NTRK3: variants seen among roughly 807,000 people sequenced by gnomAD.
NTRK3 encodes neurotrophic receptor tyrosine kinase 3, also known as NT-3 growth factor receptor.
In NTRK3, 24 loss-of-function variants were observed where a neutral mutation model predicts 91.7. That is an observed-to-expected ratio of 0.26 (90% CI 0.19 to 0.37). NTRK3 has a LOEUF of 0.37. Ranked by LOEUF, NTRK3 falls within the 10% of genes least tolerant of loss-of-function variation. The probability of loss-of-function intolerance (pLI) is 1.00; values close to 1 mark genes in which losing one functional copy is unlikely to be tolerated. For missense variants in NTRK3, 880 were observed against 1,068.9 expected, an observed-to-expected ratio of 0.82 and a Z score of 2.46; for synonymous variants, 483 against 404.0, an observed-to-expected ratio of 1.20 and a Z score of -2.34.
chr15:88,005,250 A>T (rs1040504069), intron 14 of NTRK3, among the ~76,000 whole-genome samples: 1 of 152,124 alleles, frequency 6.6e-6, no homozygotes, highest in African/African-American at 2.4e-5. Flanking sequence ...CCTGAGTAGG[A>T]GCCAGATGCT....
At chr15:87,923,154 G>A (rs2068013280) in intron 17 of NTRK3, among the ~76,000 whole-genome samples, 1 of 152,202 alleles carries the variant, frequency 6.6e-6, no homozygotes, top group Non-Finnish European at 1.5e-5. Flanking sequence ...GAAAAACAAT[G>A]TAGTTTTTCT....
chr15:87,875,281 G>A, exon 19 of NTRK3: 2 of 230,270 alleles, frequency 8.7e-6, no homozygotes, highest in Non-Finnish European at 1.7e-5. Context: ...CGTGGCCTGG[G>A]AGGAACACAT....
rs66499066 is a variant in NTRK3, at chr15:88,039,118, A to AACACAC, written c.1397-6079_1397-6074dup. ...AAGCTTTGATGTCTATTGAGCCCTC[A>AACACAC]ACACACACACACACACACACACACA... On this transcript the variant is annotated intron_variant, in intron 13 of 18. Coordinates refer to ENST00000394480, the Ensembl canonical transcript of NTRK3. Among the ~76,000 whole-genome samples the AACACAC allele has an allele frequency of 7.4e-3, 1,037 of 139,360 alleles. 15 individuals are homozygous for AACACAC. The highest frequency in any genetic ancestry group is 0.025 in the African/African-American group (915 of 37,160). The allele number at this position is 139,360 out of a possible 152,430, so 91.4% of individuals were successfully genotyped here. A position where few individuals can be genotyped will look rare whatever the true frequency, so the allele number is the denominator to read the frequency against.
At chr15:88,069,152 A>G (rs978126001) in intron 13 of NTRK3, among the ~76,000 whole-genome samples, 1 of 152,212 alleles carries the variant, frequency 6.6e-6, no homozygotes, top group Non-Finnish European at 1.5e-5. Context: ...CAAGTCCTAC[A>G]GTAGAAGCAT....
At position 88,237,118 on chromosome 15, in the gene NTRK3, A is replaced by G. The variant is rs1490860717; in HGVS notation, c.248+18788T>C. On this transcript the variant is annotated intron_variant, in intron 3 of 18. Coordinates refer to ENST00000394480, the Ensembl canonical transcript of NTRK3. This position sits in a 1 kb window ranked among gnomAD's most constrained non-coding sequence, Gnocchi z 4.0. ...ACATCTAAAATTTACTCTGAAATGC[A>G]TCAGAAAAATAGGATGGGTTAAGGA... Among the ~76,000 whole-genome samples the G allele has an allele frequency of 6.6e-6, 1 of 152,234 alleles. No individual in the cohort carries two copies. Among genetic ancestry groups the G allele is most frequent in the African/African-American group, 2.4e-5 (1 of 41,454 alleles).
At chr15:88,177,908 T>C (rs2046142764) in intron 5 of NTRK3, among the ~76,000 whole-genome samples, 1 of 152,250 alleles carries the variant, frequency 6.6e-6, no homozygotes, top group South Asian at 2.1e-4. Context: ...CTAAGACCAA[T>C]CCTATGAAGT....
intron 5 of NTRK3, among the ~76,000 whole-genome samples, chr15:88,160,874 T>C (rs2044388639): frequency 6.6e-6 from 1 of 152,192 alleles, no homozygotes; most frequent in Admixed American, 6.5e-5. Flanking sequence ...GAAGATGGGC[T>C]AAGCTGTCAG....
At chr15:87,920,196 C>T (rs2067762149) in intron 17 of NTRK3, among the ~76,000 whole-genome samples, 1 of 152,152 alleles carries the variant, frequency 6.6e-6, no homozygotes, top group Admixed American at 6.6e-5. Flanking sequence ...AATTAGTGTG[C>T]AGATCCACTG....
intron 13 of NTRK3, among the ~76,000 whole-genome samples, chr15:88,118,631 T>C (rs1053293576): frequency 6.6e-6 from 1 of 152,244 alleles, no homozygotes; most frequent in Non-Finnish European, 1.5e-5. Context: ...CTATTATTCT[T>C]AGCTTTTAAA....
intron 17 of NTRK3, among the ~76,000 whole-genome samples, chr15:87,923,354 C>T (rs906131293): frequency 3.3e-5 from 5 of 152,190 alleles, no homozygotes; most frequent in African/African-American, 7.2e-5. Context: ...CAACATCCCA[C>T]ACACATTCCT....
intron 3 of NTRK3, among the ~76,000 whole-genome samples, chr15:88,225,488 G>T (rs756675799): frequency 8.5e-5 from 13 of 152,260 alleles, no homozygotes; most frequent in South Asian, 2.1e-4. Flanking sequence ...AGTGGAGAAG[G>T]CTCCCAAAGC....
At chr15:87,964,645 C>A (rs150727977) in intron 14 of NTRK3, among the ~76,000 whole-genome samples, 16 of 152,262 alleles carry the variant, frequency 1.1e-4, no homozygotes, top group South Asian at 2.1e-4. Flanking sequence ...TATAGTTAAT[C>A]CCTGCTTCCA....
chr15:87,959,056 C>T (rs1173778339), intron 14 of NTRK3, among the ~76,000 whole-genome samples: 1 of 140,918 alleles, frequency 7.1e-6, no homozygotes, highest in Non-Finnish European at 1.5e-5. Flanking sequence ...CTGAAACATT[C>T]CAAGCTCAGG....
At chr15:87,968,628 C>T (rs1265800837) in intron 14 of NTRK3, among the ~76,000 whole-genome samples, 1 of 152,184 alleles carries the variant, frequency 6.6e-6, no homozygotes. Context: ...TACTGATGAT[C>T]TAATTTGCAG....
intron 14 of NTRK3, among the ~76,000 whole-genome samples, chr15:87,968,750 G>C (rs529291669): frequency 1.3e-5 from 2 of 152,286 alleles, no homozygotes; most frequent in Admixed American, 6.5e-5. Flanking sequence ...GAGTGACTAA[G>C]AGCGTGTTTG....
intron 14 of NTRK3, among the ~76,000 whole-genome samples, chr15:88,010,444 GA>G (rs2076797659): frequency 6.6e-6 from 1 of 152,082 alleles, no homozygotes. Flanking sequence ...GGGGAAAGGA[GA>G]ACAATTTATG....
chr15:88,046,916 T>G (rs62022266), intron 13 of NTRK3, among the ~76,000 whole-genome samples: 7,545 of 152,270 alleles, frequency 0.05, 258 homozygotes, highest in South Asian at 0.1. Context: ...TCAATTGAAA[T>G]AACACCGCAT....
rs540106155 is a variant in NTRK3 at position 87,861,747 on chromosome 15, C to T, written c.*15188G>A. On this transcript the variant is annotated 3_prime_UTR_variant, in exon 19 of 19. Coordinates refer to ENST00000394480, the Ensembl canonical transcript of NTRK3. ...CTCTAAAGAGGCAGAGGGCTAGACG[C>T]GCCCTTGAAAATTTTAGGAATTTTT... The T allele has an allele frequency of 6.2e-4, 121 of 194,612 alleles. No homozygotes were observed. In the East Asian group the frequency reaches 7.3e-3, roughly 12 times the overall value. 12.1% of individuals were successfully genotyped at this position (194,612 alleles called of 1,614,324 possible). A position where few individuals can be genotyped will look rare whatever the true frequency, so the allele number is the denominator to read the frequency against.
chr15:87,867,461 T>G, exon 19 of NTRK3: 1 of 230,428 alleles, frequency 4.3e-6, no homozygotes, highest in East Asian at 6.1e-5. Context: ...GGGGGATGTT[T>G]GCAAACTTGT....
Sources: gnomAD v4.1 joint callset for allele counts (sites outside exome capture counted in the v4.1 genomes callset) on GRCh38, gnomAD v4.1.1 for gene constraint, Gnocchi (gnomAD v3.1) non-coding constraint, MANE v1.5 for transcripts, NCBI Gene and HGNC (gene_info 2026-07-23, HGNC 2026-07-21) for gene names.